Variants in SPOCK3 observed in about 807,000 individuals in gnomAD.
SPOCK3 encodes testican-3.
In SPOCK3, 30 loss-of-function variants were observed where a neutral mutation model predicts 56.6. That is an observed-to-expected ratio of 0.53 (90% confidence interval 0.40 to 0.72). SPOCK3 has a LOEUF of 0.72. SPOCK3 is among the 30% of genes least tolerant of loss of function. SPOCK3 has a pLI of 0.00. For synonymous variants in SPOCK3, 196 were observed against 183.3 expected, an observed-to-expected ratio of 1.07 and a Z score of -0.56; for missense variants, 527 against 530.0, an observed-to-expected ratio of 0.99 and a Z score of 0.06.
chr4:167,011,554 T>C (rs931693991), intron 3 of SPOCK3, among the ~76,000 whole-genome samples: 7 of 152,126 alleles, frequency 4.6e-5, no homozygotes, highest in South Asian at 4.1e-4. Flanking sequence ...ACAATAACCA[T>C]AACGACAACA....
chr4:167,013,459 C>G (rs953896010), intron 3 of SPOCK3, among the ~76,000 whole-genome samples: 1 of 150,734 alleles, frequency 6.6e-6, no homozygotes, highest in East Asian at 1.9e-4. Context: ...AAAATAGATG[C>G]CTTTCAGAAT....
chr4:167,142,748 A>G (rs1763638908), intron 2 of SPOCK3, among the ~76,000 whole-genome samples: 1 of 152,072 alleles, frequency 6.6e-6, no homozygotes, highest in African/African-American at 2.4e-5. Flanking sequence ...AAATAGATTA[A>G]GAATGGAAAA....
intron 4 of SPOCK3, among the ~76,000 whole-genome samples, chr4:166,926,701 C>G (rs969231737): frequency 1.3e-5 from 2 of 151,884 alleles, no homozygotes; most frequent in Non-Finnish European, 1.5e-5. Context: ...TATGTGAGAC[C>G]CAGGAGAAAC....
At chr4:167,149,841 G>A (rs200195974) in intron 2 of SPOCK3, among the ~76,000 whole-genome samples, 120 of 148,564 alleles carry the variant, frequency 8.1e-4, no homozygotes, top group Middle Eastern at 3.5e-3. Context: ...ATATATATAT[G>A]TATATATATA....
intron 3 of SPOCK3, among the ~76,000 whole-genome samples, chr4:167,042,106 A>G (rs916436892): frequency 6.6e-6 from 1 of 152,168 alleles, no homozygotes; most frequent in Non-Finnish European, 1.5e-5. Context: ...TCCAAACATA[A>G]CAGATAACAC....
chr4:167,128,429 T>C lies in SPOCK3; in HGVS notation c.190-65892A>G, dbSNP rs367921115. Among the ~76,000 whole-genome samples the C allele has an allele frequency of 7.9e-5, 12 of 152,266 alleles. 1 individual carries two copies. The East Asian group carries it at 9.6e-4, about 12-fold the overall frequency. ...TTGGGTACACCACCATTTATTACTT[T>C]GTGCAAAAAAAGTAGTGGTCCTCAT... On this transcript the variant is annotated intron_variant, in intron 2 of 10. Coordinates refer to ENST00000357545, the MANE Select transcript of SPOCK3 (RefSeq NM_001040159.2).
chr4:166,930,170 A>G (rs1274610607), intron 4 of SPOCK3, among the ~76,000 whole-genome samples: 1 of 152,176 alleles, frequency 6.6e-6, no homozygotes, highest in African/African-American at 2.4e-5. Flanking sequence ...TGCTAGAAGC[A>G]TAACTAATCT....
intron 7 of SPOCK3, among the ~76,000 whole-genome samples, chr4:166,781,833 C>T (rs1017025473): frequency 2.0e-5 from 3 of 152,012 alleles, no homozygotes; most frequent in Middle Eastern, 3.2e-3. Context: ...TCAGCTGAAA[C>T]CCACAAGCCA....
At chr4:167,167,193 A>G (rs1025913285) in intron 2 of SPOCK3, among the ~76,000 whole-genome samples, 7 of 152,144 alleles carry the variant, frequency 4.6e-5, no homozygotes, top group Admixed American at 6.6e-5. Context: ...GAGATCATCA[A>G]TAATCCAAGA....
intron 6 of SPOCK3, among the ~76,000 whole-genome samples, chr4:166,868,747 T>G (rs1732139823): frequency 6.6e-6 from 1 of 152,084 alleles, no homozygotes; most frequent in African/African-American, 2.4e-5. Context: ...CTTCACTTAA[T>G]CCCGCGAAAA....
chr4:166,917,076 G>A (rs1382684351), intron 4 of SPOCK3, among the ~76,000 whole-genome samples: 1 of 152,098 alleles, frequency 6.6e-6, no homozygotes, highest in Non-Finnish European at 1.5e-5. Context: ...GATAACCAAT[G>A]AATGAAAGGA....
chr4:167,052,566 T>C (rs1183963294), intron 3 of SPOCK3, among the ~76,000 whole-genome samples: 2 of 152,202 alleles, frequency 1.3e-5, no homozygotes, highest in Admixed American at 6.5e-5. Flanking sequence ...GAAAATACTG[T>C]AATCATGTAA....
At chr4:167,030,359 C>T (rs1752156353) in intron 3 of SPOCK3, among the ~76,000 whole-genome samples, 1 of 151,898 alleles carries the variant, frequency 6.6e-6, no homozygotes, top group Admixed American at 6.6e-5. Flanking sequence ...GATCAGATTA[C>T]CATATTTTGT....
intron 2 of SPOCK3, among the ~76,000 whole-genome samples, chr4:167,147,900 T>G (rs1580435772): frequency 6.6e-6 from 1 of 152,072 alleles, no homozygotes. Flanking sequence ...ATGGCACGTG[T>G]ATACCTATGA....
intron 2 of SPOCK3, among the ~76,000 whole-genome samples, chr4:167,063,398 AACC>A (rs1755797329): frequency 6.6e-6 from 1 of 151,894 alleles, no homozygotes; most frequent in African/African-American, 2.4e-5. Flanking sequence ...TCACTATGGT[AACC>A]TGCCAAAAGA....
chr4:167,216,581 G>C (rs535938970), intron 2 of SPOCK3, among the ~76,000 whole-genome samples: 2 of 152,128 alleles, frequency 1.3e-5, no homozygotes, highest in African/African-American at 4.8e-5. Flanking sequence ...ACGCTGAGGA[G>C]GAAGACAAGA....
intron 4 of SPOCK3, among the ~76,000 whole-genome samples, chr4:166,959,107 T>C (rs545300375): frequency 6.6e-6 from 1 of 152,320 alleles, no homozygotes; most frequent in East Asian, 1.9e-4. Context: ...AATTTTAGAA[T>C]GTGTGAAATG....
At chr4:167,022,929 T>C (rs1203059634) in intron 3 of SPOCK3, among the ~76,000 whole-genome samples, 1 of 152,010 alleles carries the variant, frequency 6.6e-6, no homozygotes. Context: ...TAAATGCCAC[T>C]CAGAGAGAGC....
chr4:167,056,784 TG>T (rs1754925779), intron 3 of SPOCK3, among the ~76,000 whole-genome samples: 1 of 152,150 alleles, frequency 6.6e-6, no homozygotes, highest in East Asian at 1.9e-4. Flanking sequence ...TACGGGACTA[TG>T]TGAAAAGACC....
Sources: gnomAD v4.1 joint callset for allele counts (sites outside exome capture counted in the v4.1 genomes callset) on GRCh38, gnomAD v4.1.1 for gene constraint, MANE v1.5 for transcripts, NCBI Gene and HGNC (gene_info 2026-07-23, HGNC 2026-07-21) for gene names.